ACSF3: variants seen among roughly 807,000 people sequenced by gnomAD.
ACSF3 encodes the protein acyl-CoA synthetase family member 3.
ACSF3 carries 78 observed loss-of-function variants against 53.2 expected under a neutral mutation model. That is an observed-to-expected ratio of 1.47 (90% CI 1.22 to 1.77). The LOEUF (loss-of-function observed/expected upper bound fraction) is 1.77, where lower values mean the gene tolerates loss of function less well. Among genes scored for constraint, ACSF3 ranks in the 40% most tolerant of loss-of-function variants. The probability of loss-of-function intolerance (pLI) is 0.00; values close to 1 mark genes in which losing one functional copy is unlikely to be tolerated. For synonymous variants in ACSF3, 414 were observed against 333.1 expected (o/e 1.24, Z -2.65); for missense variants, 937 against 771.1 (o/e 1.22, Z -2.55).
chr16:89,137,538 A>T (rs12924876), intron 8 of ACSF3, among the ~76,000 whole-genome samples: 40 of 46,160 alleles, frequency 8.7e-4, no homozygotes, highest in African/African-American at 3.2e-3. Flanking sequence ...TCACGGGGAA[A>T]GATTGAGGGG....
At chr16:89,141,197 CTG>C in intron 8 of ACSF3, 2 of 1,287,254 alleles carry the variant, frequency 1.6e-6, no homozygotes, top group Non-Finnish European at 2.0e-6. Flanking sequence ...TCCGATGCCT[CTG>C]AGCCCTTGAT....
chr16:89,110,421 C>A (rs1976549259), intron 4 of ACSF3, among the ~76,000 whole-genome samples: 1 of 152,132 alleles, frequency 6.6e-6, no homozygotes, highest in Non-Finnish European at 1.5e-5. Context: ...TGTCCTTTTC[C>A]CTATTGGGGA....
chr16:89,147,230 T>G (rs576088143), intron 10 of ACSF3, among the ~76,000 whole-genome samples: 87 of 39,536 alleles, frequency 2.2e-3, no homozygotes, highest in Non-Finnish European at 2.8e-3. Context: ...GTCCACAGAG[T>G]GAGTGAGGGA....
chr16:89,136,756 C>G (rs1443047407), intron 8 of ACSF3: 1 of 1,287,292 alleles, frequency 7.8e-7, no homozygotes, highest in Admixed American at 2.3e-5. Flanking sequence ...GCTTCTGCCT[C>G]AAGATCACAC....
rs1349805253 is a variant in ACSF3 at position 89,101,057 on chromosome 16, T to C, written c.376T>C (p.Tyr126His). Residue 126 changes from tyrosine to histidine, a missense_variant, in exon 3 of 11, where the codon TAC (tyrosine) becomes CAC (histidine). By Grantham distance (83) the Tyr-to-His change is moderately conservative. Coordinates refer to ENST00000614302, the MANE Select transcript of ACSF3 (RefSeq NM_001243279.3). Reference protein sequence around the residue: ...WMSGGVAVPLYRKHPAAQLEY... With the variant: ...WMSGGVAVPLHRKHPAAQLEY... ...GAGTGGCGGTGTGGCAGTCCCCCTC[T>C]ACAGGAAGCATCCCGCGGCCCAGCT... 8.1e-6 allele frequency: 13 copies of C among 1,613,884 alleles called. No homozygotes were observed. The highest frequency in any genetic ancestry group is 3.3e-4 in the Middle Eastern group (2 of 6,084).
chr16:89,103,609 A>G (rs528865853), intron 4 of ACSF3, among the ~76,000 whole-genome samples: 91 of 152,346 alleles, frequency 6.0e-4, no homozygotes, highest in Non-Finnish European at 8.5e-4. Flanking sequence ...GAGGTGACAC[A>G]TTCGGGGTGT....
rs768052017 is a variant in ACSF3 at position 89,102,775 on chromosome 16, G to C, written c.822+16G>C. The C allele has an allele frequency of 3.1e-6, 5 of 1,602,418 alleles. No homozygotes were observed. The highest frequency in any genetic ancestry group is 4.3e-6 in the Non-Finnish European group (5 of 1,174,488). On this transcript the variant is annotated intron_variant, in intron 4 of 10. Coordinates refer to ENST00000614302, the MANE Select transcript of ACSF3 (RefSeq NM_001243279.3). ...CCCTCAGCAGGTGAGTTGGGGTCAG[G>C]GCTCTCGGTTGCACCCTCAGACTAG... is the stretch of plus-strand genomic sequence containing the variant.
intron 8 of ACSF3, among the ~76,000 whole-genome samples, chr16:89,140,280 G>A (rs568319578): frequency 2.6e-5 from 4 of 152,280 alleles, no homozygotes; most frequent in East Asian, 1.9e-4. Context: ...CAGGTGCCCC[G>A]GGGTAACTGG....
intron 4 of ACSF3, among the ~76,000 whole-genome samples, chr16:89,105,595 G>T (rs574734173): frequency 6.6e-6 from 1 of 152,278 alleles, no homozygotes; most frequent in Admixed American, 6.5e-5. Flanking sequence ...GTCAGTTTCT[G>T]TGCCTGTGAC....
At chr16:89,117,062 G>A (rs749781685) in intron 6 of ACSF3, among the ~76,000 whole-genome samples, 3 of 152,204 alleles carry the variant, frequency 2.0e-5, no homozygotes, top group Non-Finnish European at 4.4e-5. Flanking sequence ...AGCAAAGCCC[G>A]GCTCGCTGAG....
chr16:89,139,484 G>A (rs148354745), intron 8 of ACSF3, among the ~76,000 whole-genome samples: 47 of 152,148 alleles, frequency 3.1e-4, no homozygotes, highest in African/African-American at 1.1e-3. Context: ...CTGCGTATAG[G>A]GTTCAGGGTT....
chr16:89,124,289 G>A (rs564517065), intron 7 of ACSF3, among the ~76,000 whole-genome samples: 10 of 152,256 alleles, frequency 6.6e-5, no homozygotes, highest in African/African-American at 2.2e-4. Context: ...AGGACGAGGG[G>A]GCGCGTGTGC....
Position 89,133,587 on chromosome 16 carries a change from G to A in ACSF3, c.1366+325G>A, listed in dbSNP as rs532925035. Among the ~76,000 whole-genome samples, 15 of 152,262 alleles carry A rather than the reference G, an allele frequency of 9.9e-5. No homozygotes were observed. The South Asian group carries it at 1.0e-3, about 11-fold the overall frequency. ...CCTGACCACAGACGCCGGGCCCCAC[G>A]CAGCCCTTCCTGGTGGCCCTGCTGC... On this transcript the variant is annotated intron_variant, in intron 8 of 10. Coordinates refer to ENST00000614302, the MANE Select transcript of ACSF3 (RefSeq NM_001243279.3).
chr16:89,136,663 T>C (rs1910544246), intron 8 of ACSF3: 1 of 1,287,186 alleles, frequency 7.8e-7, no homozygotes, highest in East Asian at 5.6e-5. Flanking sequence ...AACGGCCTCC[T>C]CCGGGTCAGG....
chr16:89,094,168 C>G (rs564439651), intron 1 of ACSF3, among the ~76,000 whole-genome samples, 172 bp downstream of exon 1: 1 of 151,562 alleles, frequency 6.6e-6, no homozygotes, highest in Non-Finnish European at 1.5e-5. Flanking sequence ...TCCCGGGACG[C>G]CGAGCCTCTC....
chr16:89,120,215 G>A (rs750605937), intron 6 of ACSF3, among the ~76,000 whole-genome samples: 2 of 152,262 alleles, frequency 1.3e-5, no homozygotes, highest in Admixed American at 6.5e-5. Flanking sequence ...GTGCAGGTGG[G>A]ATGGATACAC....
chr16:89,143,562 G>GTCTGGTCCA, intron 8 of ACSF3, among the ~76,000 whole-genome samples: 1 of 152,310 alleles, frequency 6.6e-6, no homozygotes, highest in African/African-American at 2.4e-5. Context: ...ATTGGTGGCT[G>GTCTGGTCCA]TCTGGTCCAG....
At chr16:89,133,935 C>T (rs1273083829) in intron 8 of ACSF3, among the ~76,000 whole-genome samples, 1 of 152,218 alleles carries the variant, frequency 6.6e-6, no homozygotes, top group Admixed American at 6.5e-5. Context: ...TGCCACCCTC[C>T]TGCTCTCCCT....
intron 3 of ACSF3, among the ~76,000 whole-genome samples, chr16:89,101,955 G>A (rs1371717448): frequency 6.6e-6 from 1 of 152,244 alleles, no homozygotes; most frequent in Non-Finnish European, 1.5e-5. Context: ...CGTCACTCCT[G>A]GAAGCGGCGC....
Sources: allele counts gnomAD v4.1 joint callset (sites outside exome capture counted in the v4.1 genomes callset), GRCh38; gene constraint gnomAD v4.1.1; transcripts MANE v1.5; gene names NCBI Gene and HGNC (gene_info 2026-07-23, HGNC 2026-07-21).